PYGO1: variants seen among roughly 807,000 people sequenced by gnomAD.
PYGO1 encodes pygopus family PHD finger 1.
PYGO1 carries 6 observed loss-of-function variants against 29.5 expected under a neutral mutation model. The ratio of observed to expected loss-of-function variants is 0.20; its 90% CI spans 0.11 to 0.40. The LOEUF is 0.40. Ranked by LOEUF, PYGO1 falls within the 10% of genes least tolerant of loss-of-function variation. PYGO1 has a pLI of 1.00. For missense variants in PYGO1, 515 were observed against 514.9 expected (o/e 1.00, Z 0.00); for synonymous variants, 186 against 180.5 (o/e 1.03, Z -0.24).
At chr15:55,553,558 C>A (rs779633302) in intron 1 of PYGO1, among the ~76,000 whole-genome samples, 90 of 152,044 alleles carry the variant, frequency 5.9e-4, no homozygotes, top group Non-Finnish European at 1.2e-3. Context: ...ACCACCACCA[C>A]TTGCCACCAC....
chr15:55,572,385 C>T (rs2058983768), intron 1 of PYGO1, among the ~76,000 whole-genome samples: 1 of 152,172 alleles, frequency 6.6e-6, no homozygotes, highest in East Asian at 1.9e-4. Flanking sequence ...TATCTTATAA[C>T]TACTCACAAA....
intron 1 of PYGO1, among the ~76,000 whole-genome samples, chr15:55,574,783 G>A (rs992786243): frequency 6.6e-6 from 1 of 151,990 alleles, no homozygotes; most frequent in Non-Finnish European, 1.5e-5. Flanking sequence ...CTTATCCACA[G>A]GCAATAAATG....
chr15:55,579,211 C>A (rs2059016147), intron 1 of PYGO1, among the ~76,000 whole-genome samples: 1 of 152,018 alleles, frequency 6.6e-6, no homozygotes, highest in Non-Finnish European at 1.5e-5. Context: ...TGCAGTTTTT[C>A]TATAACACCA....
chr15:55,570,892 A>G (rs963136070), intron 1 of PYGO1, among the ~76,000 whole-genome samples: 1 of 152,176 alleles, frequency 6.6e-6, no homozygotes, highest in African/African-American at 2.4e-5. Context: ...AGTAAAACAC[A>G]TATATAATTT....
chr15:55,588,909 C>T (rs1992237), upstream of PYGO1: 517,847 of 1,524,696 alleles, frequency 0.34, 101,176 homozygotes, highest in East Asian at 0.98. Flanking sequence ...GGACACCTGT[C>T]TGTAGAATGC....
Position 55,545,367 on chromosome 15 carries a change from T to C in PYGO1, c.*656A>G. 1 of 152,214 alleles carries C rather than the reference T, an allele frequency of 6.6e-6. No homozygotes were observed. The highest frequency in any genetic ancestry group is 1.9e-4 in the East Asian group (1 of 5,196). 9.4% of individuals were successfully genotyped at this position (152,214 alleles called of 1,614,324 possible). On this transcript the variant is annotated 3_prime_UTR_variant, in exon 3 of 3. Transcript: ENST00000563719. ...TGCAGTCAATTTTCAACTGATCTAATATTAGCAATTTCATGTGGTACCATC... is the reference window on the plus strand; with the variant it reads ...TGCAGTCAATTTTCAACTGATCTAACATTAGCAATTTCATGTGGTACCATC...
chr15:55,552,361 CAAAAAAAAA>C (rs56789656), intron 1 of PYGO1, among the ~76,000 whole-genome samples: 1,080 of 53,038 alleles, frequency 0.02, 27 homozygotes, highest in South Asian at 0.11. Context: ...ACTCTGTCTC[CAAAAAAAAA>C]AAAAAAAAAA....
rs1264080462 is a variant in PYGO1, at chr15:55,539,302, T to C, written c.*6721A>G. On this transcript the variant is annotated 3_prime_UTR_variant, in exon 3 of 3. Coordinates refer to ENST00000563719, the MANE Select transcript of PYGO1 (RefSeq NM_001367806.1). The stretch of plus-strand genomic sequence containing the variant: ...CTTACCATTATTTAAGTAGTTACTA[T>C]GAAGTAATTCAGAATTGAGAATGTA... 6.6e-6 allele frequency: 1 copy of C among 152,158 alleles called. No homozygotes were observed. The highest frequency in any genetic ancestry group is 6.5e-5 in the Admixed American group (1 of 15,278). The allele number at this position is 152,158 out of a possible 1,614,324, so 9.4% of individuals were successfully genotyped here.
chr15:55,580,258 CAG>C (rs1010140760), intron 1 of PYGO1, among the ~76,000 whole-genome samples: 35 of 152,284 alleles, frequency 2.3e-4, no homozygotes, highest in African/African-American at 7.7e-4. Flanking sequence ...GGTGAAACCT[CAG>C]AGTTTTCTGC....
chr15:55,562,204 T>C (rs887943176), intron 1 of PYGO1, among the ~76,000 whole-genome samples: 2 of 152,058 alleles, frequency 1.3e-5, no homozygotes, highest in Non-Finnish European at 2.9e-5. Context: ...GCTGGCAAGG[T>C]TGCGGAGAAA....
rs536810692 is a variant in PYGO1 at position 55,542,436 on chromosome 15, A to C, written c.*3587T>G. 3 of 152,352 alleles carry C rather than the reference A, an allele frequency of 2.0e-5. No individual in the cohort carries two copies. Among genetic ancestry groups the C allele is most frequent in the East Asian group, 3.9e-4 (2 of 5,190 alleles). The allele number at this position is 152,352 out of a possible 1,614,324, so 9.4% of individuals were successfully genotyped here. ...TTCTAATTTGAATAACAATTATAGC[A>C]GTACTCTAAAGTATTTCACACAAAA... On this transcript the variant is annotated 3_prime_UTR_variant, in exon 3 of 3. Coordinates refer to ENST00000563719, the MANE Select transcript of PYGO1 (RefSeq NM_001367806.1).
intron 1 of PYGO1, among the ~76,000 whole-genome samples, chr15:55,584,605 T>A (rs1489030239): frequency 6.6e-6 from 1 of 152,140 alleles, no homozygotes; most frequent in Non-Finnish European, 1.5e-5. Context: ...GTAAAAGTAG[T>A]ATGAGGGGAA....
chr15:55,554,649 C>T (rs981021962), intron 1 of PYGO1, among the ~76,000 whole-genome samples: 1 of 151,858 alleles, frequency 6.6e-6, no homozygotes, highest in African/African-American at 2.4e-5. Flanking sequence ...GTGCTGATAA[C>T]CAGAAGAGCC....
chr15:55,588,068 G>T lies in PYGO1; in HGVS notation c.-185C>A, dbSNP rs1249812604. 1 of 1,069,142 alleles carries T rather than the reference G, an allele frequency of 9.4e-7. No homozygotes were observed. Among genetic ancestry groups the T allele is most frequent in the Non-Finnish European group, 1.1e-6 (1 of 884,124 alleles). The allele number at this position is 1,069,142 out of a possible 1,614,324, so 66.2% of individuals were successfully genotyped here. On this transcript the variant is annotated 5_prime_UTR_variant, in exon 1 of 3. Coordinates refer to ENST00000563719, the MANE Select transcript of PYGO1 (RefSeq NM_001367806.1). ...AAGTTTGGGAGGAGGACGAGGCCTC[G>T]GGGCGGCGGGGCGGCGGGGCGGCGT...
At chr15:55,563,491 T>C (rs537903250) in intron 1 of PYGO1, among the ~76,000 whole-genome samples, 4 of 151,854 alleles carry the variant, frequency 2.6e-5, no homozygotes, top group Admixed American at 6.6e-5. Flanking sequence ...CTTAGCCTCG[T>C]GAATAGTGCG....
chr15:55,562,052 A>C (rs2058934998), intron 1 of PYGO1, among the ~76,000 whole-genome samples: 1 of 152,170 alleles, frequency 6.6e-6, no homozygotes, highest in Non-Finnish European at 1.5e-5. Flanking sequence ...GACACTTCTC[A>C]AAAAAAGACA....
chr15:55,581,707 G>A (rs1366686217), intron 1 of PYGO1, among the ~76,000 whole-genome samples: 1 of 152,140 alleles, frequency 6.6e-6, no homozygotes, highest in Non-Finnish European at 1.5e-5. Context: ...TTACTGAGAG[G>A]ATTAAGCAGG....
intron 2 of PYGO1, among the ~76,000 whole-genome samples, chr15:55,548,396 C>G (rs2058861989): frequency 6.6e-6 from 1 of 151,412 alleles, no homozygotes; most frequent in Admixed American, 6.6e-5. Context: ...ACAATAGCCA[C>G]TAGTTACAGA....
In PYGO1 at chr15:55,540,833, T is replaced by C. The variant is rs1321872118; in HGVS notation, c.*5190A>G. ...GTCACCAATGTGGAACACACTCAGA[T>C]TTGTATAAAAGTACTGAACTAATAT... On this transcript the variant is annotated 3_prime_UTR_variant, in exon 3 of 3. Coordinates refer to ENST00000563719, the MANE Select transcript of PYGO1 (RefSeq NM_001367806.1). 1 of 152,128 alleles carries C rather than the reference T, an allele frequency of 6.6e-6. No individual in the cohort carries two copies. Among genetic ancestry groups the C allele is most frequent in the Non-Finnish European group, 1.5e-5 (1 of 68,012 alleles). The allele number at this position is 152,128 out of a possible 1,614,324, so 9.4% of individuals were successfully genotyped here.
Sources: allele counts gnomAD v4.1 joint callset (sites outside exome capture counted in the v4.1 genomes callset), GRCh38; gene constraint gnomAD v4.1.1; transcripts MANE v1.5; gene names NCBI Gene and HGNC (gene_info 2026-07-23, HGNC 2026-07-21).